The following IL15RA variants were observed in gnomAD, a reference collection of about 807,000 sequenced individuals.
IL15RA encodes the protein interleukin 15 receptor subunit alpha.
In IL15RA, 26 loss-of-function variants were observed where a neutral mutation model predicts 24.2. That is an observed-to-expected ratio of 1.07 (90% confidence interval 0.79 to 1.49). IL15RA has a LOEUF of 1.49. IL15RA is among the 40% of genes most tolerant of loss of function. IL15RA has a pLI of 0.00. For missense variants in IL15RA, 354 were observed against 356.4 expected (o/e 0.99, Z 0.05); for synonymous variants, 166 against 157.6 (o/e 1.05, Z -0.40).
rs1173813271 is a variant in IL15RA at position 5,963,172 on chromosome 10, G to C, written c.382+571C>G. Among the ~76,000 whole-genome samples, 1 of 152,224 alleles carries C rather than the reference G, an allele frequency of 6.6e-6. No individual in the cohort carries two copies. The highest frequency in any genetic ancestry group is 2.4e-5 in the African/African-American group (1 of 41,448). On this transcript the variant is annotated intron_variant, in intron 3 of 6. Transcript: ENST00000379977. This position sits in a 1 kb window ranked among gnomAD's most constrained non-coding sequence, Gnocchi z 5.3. ...AAGCGCCTTGGAAGACGGGGACATG[G>C]TCTCCCCTGGAGCAGAGAGCAGGTG...
rs1255661967 is a variant in IL15RA at position 5,961,170 on chromosome 10, C to T, written c.383-603G>A. On this transcript the variant is annotated intron_variant, in intron 3 of 6. Coordinates refer to ENST00000379977, the MANE Select transcript of IL15RA (RefSeq NM_002189.4). The surrounding 1 kb of genome is among the most constrained non-coding windows in gnomAD (Gnocchi z 5.2). ...CCTTAGGTGATCCACCCACCTTGGC[C>T]TCCCAAAGTGCTGGGATTACGGGCG... 2.0e-5 allele frequency among the ~76,000 whole-genome samples: 3 copies of T among 152,248 alleles called. No individual in the cohort carries two copies. Among genetic ancestry groups the T allele is most frequent in the East Asian group, 1.9e-4 (1 of 5,170 alleles).
rs746758221 is a variant in IL15RA, at chr10:5,960,344, C to G, written c.583+23G>C. 6.2e-7 allele frequency: 1 copy of G among 1,610,550 alleles called. No homozygotes were observed. The highest frequency in any genetic ancestry group is 1.1e-5 in the South Asian group (1 of 90,998). On this transcript the variant is annotated intron_variant, in intron 4 of 6. Coordinates refer to ENST00000379977, the MANE Select transcript of IL15RA (RefSeq NM_002189.4). This position sits in a 1 kb window ranked among gnomAD's most constrained non-coding sequence, Gnocchi z 5.1. ...AAGCAGCAATGGGGAACTGACCTCT[C>G]CTGGGGCAAAGCGAGTGCTAACCTG...
At chr10:5,950,142 TA>T, downstream of IL15RA, among the ~76,000 whole-genome samples, 1 of 152,022 alleles carries the variant, frequency 6.6e-6, no homozygotes, top group South Asian at 2.1e-4. This position sits in a 1 kb window ranked among gnomAD's most constrained non-coding sequence, Gnocchi z 5.6. Context: ...AGGCAAAATA[TA>T]AAAGGTGAAG....
rs143835821 is a variant in IL15RA, at chr10:5,963,811, G to A, written c.314C>T (p.Ala105Val). ...TGCCGTCGTTACTGTGGAGGGTGGCGCTGGCCTTTGGTGAACCAGGGCAGG... is the reference window on the plus strand; with the variant it reads ...TGCCGTCGTTACTGTGGAGGGTGGCACTGGCCTTTGGTGAACCAGGGCAGG... ...RDPALVHQRP[A>V]PPSTVTTAGV... The change falls in exon 3 of 7, where the codon GCG becomes GTG. Residue 105 changes from alanine to valine, a missense_variant. Physicochemically the swap from Ala to Val is moderately conservative, Grantham distance 64. Transcript: ENST00000379977. The surrounding 1 kb of genome is among the most constrained non-coding windows in gnomAD (Gnocchi z 5.3). The A allele has an allele frequency of 1.9e-6, 3 of 1,547,458 alleles. No individual in the cohort carries two copies. The highest frequency in any genetic ancestry group is 1.3e-5 in the South Asian group (1 of 78,820).
chr10:5,949,416 A>C (rs920291797), downstream of IL15RA: 1 of 468,858 alleles, frequency 2.1e-6, no homozygotes, highest in Non-Finnish European at 4.4e-6. This position sits in a 1 kb window ranked among gnomAD's most constrained non-coding sequence, Gnocchi z 4.4. Flanking sequence ...GCACACATTG[A>C]GTTCTGATTA....
intron 1 of IL15RA, chr10:5,976,864 T>TC (rs1838538868): frequency 1.3e-5 from 2 of 152,208 alleles, no homozygotes; most frequent in Admixed American, 1.3e-4. Flanking sequence ...TGTTTCCAGG[T>TC]CCCCAGGTGT....
chr10:5,976,676 C>T (rs1838496043), intron 1 of IL15RA, among the ~76,000 whole-genome samples: 1 of 152,104 alleles, frequency 6.6e-6, no homozygotes, highest in African/African-American at 2.4e-5. Context: ...ATCGCTCATT[C>T]CGTCCTCCCT....
At chr10:5,950,106 T>C (rs1014750694), downstream of IL15RA, among the ~76,000 whole-genome samples, 1 of 134,902 alleles carries the variant, frequency 7.4e-6, no homozygotes, top group Non-Finnish European at 1.6e-5. This position sits in a 1 kb window ranked among gnomAD's most constrained non-coding sequence, Gnocchi z 5.6. Context: ...AAAAAAAAAG[T>C]CTTATTTCTT....
chr10:5,974,247 G>A (rs933628672), intron 1 of IL15RA, among the ~76,000 whole-genome samples: 7 of 152,202 alleles, frequency 4.6e-5, no homozygotes, highest in East Asian at 1.9e-4. Flanking sequence ...TGATCTGCCC[G>A]CGTTGGCCTC....
chr10:5,962,591 CAA>C lies in IL15RA; in HGVS notation c.382+1150_382+1151del, dbSNP rs1353262028. Reference sequence around the variant, plus strand: ...TGGGCAATAGAGCAAGACCCCATCTCAAAAAAAAAAAAAAAAAAGATCCACCT... The same window carrying C: ...TGGGCAATAGAGCAAGACCCCATCTCAAAAAAAAAAAAAAAAGATCCACCT... On this transcript the variant is annotated intron_variant, in intron 3 of 6. Transcript: ENST00000379977. This position sits in a 1 kb window ranked among gnomAD's most constrained non-coding sequence, Gnocchi z 5.2. Among the ~76,000 whole-genome samples, 3,166 of 108,892 alleles carry C rather than the reference CAA, an allele frequency of 0.029. 31 individuals are homozygous for C. Among genetic ancestry groups the C allele is most frequent in the South Asian group, 0.056 (176 of 3,140 alleles). The allele number at this position is 108,892 out of a possible 152,430, so 71.4% of individuals were successfully genotyped here. A position where few individuals can be genotyped will look rare whatever the true frequency, so the allele number is the denominator to read the frequency against.
chr10:5,954,271 C>T (rs1039545633), intron 6 of IL15RA, among the ~76,000 whole-genome samples: 5 of 151,002 alleles, frequency 3.3e-5, no homozygotes, highest in Non-Finnish European at 7.4e-5. Context: ...GACAACCACG[C>T]CCAGCTAACT....
At chr10:5,977,550 G>C (rs1354305390), upstream of IL15RA, 3 of 1,276,226 alleles carry the variant, frequency 2.4e-6, no homozygotes, top group South Asian at 7.8e-5. Flanking sequence ...CCAGGCCGGG[G>C]GGAGGTGGCG....
At chr10:5,972,163 C>A (rs1337946187) in intron 1 of IL15RA, among the ~76,000 whole-genome samples, 1 of 152,258 alleles carries the variant, frequency 6.6e-6, no homozygotes, top group African/African-American at 2.4e-5. Context: ...CAAGAGCAAC[C>A]TTTCCACCAT....
At position 5,971,186 on chromosome 10, in the gene IL15RA, C is replaced by T. The variant is rs1340894494; in HGVS notation, c.89-4847G>A. On this transcript the variant is annotated intron_variant, in intron 1 of 6. Transcript: ENST00000379977. This position sits in a 1 kb window ranked among gnomAD's most constrained non-coding sequence, Gnocchi z 5.5. Reference sequence around the variant, plus strand: ...CCTTGCAGATGGTATGTATATTTCACAGTTCTGTGGTACTCTCACTTTCCT... The same window carrying T: ...CCTTGCAGATGGTATGTATATTTCATAGTTCTGTGGTACTCTCACTTTCCT... Among the ~76,000 whole-genome samples, 2 of 152,156 alleles carry T rather than the reference C, an allele frequency of 1.3e-5. No individual in the cohort carries two copies. The highest frequency in any genetic ancestry group is 1.3e-4 in the Admixed American group (2 of 15,272).
upstream of IL15RA, chr10:5,977,818 T>C (rs1298978135): frequency 2.4e-6 from 1 of 414,310 alleles, no homozygotes; most frequent in Non-Finnish European, 4.1e-6. Context: ...GCGCTCGTCG[T>C]GCTCTGGGAC....
intron 1 of IL15RA, chr10:5,976,916 C>G (rs1388412735): frequency 6.5e-6 from 1 of 153,046 alleles, no homozygotes; most frequent in Non-Finnish European, 1.5e-5. Context: ...ACAGCTCCTC[C>G]CCACCCTCCC....
At position 5,964,837 on chromosome 10, in the gene IL15RA, C is replaced by T. The variant is rs539859222; in HGVS notation, c.284-996G>A. ...TGGTTCCCACAGATCCTGCTCACCC[C>T]GCCACGCTCAGCTTTCCCATTCACT... is the stretch of plus-strand genomic sequence containing the variant. On this transcript the variant is annotated intron_variant, in intron 2 of 6. Coordinates refer to ENST00000379977, the MANE Select transcript of IL15RA (RefSeq NM_002189.4). This position sits in a 1 kb window ranked among gnomAD's most constrained non-coding sequence, Gnocchi z 5.6. 4.6e-5 allele frequency among the ~76,000 whole-genome samples: 7 copies of T among 152,344 alleles called. No individual in the cohort carries two copies. In the South Asian group the frequency reaches 6.2e-4, roughly 14 times the overall value.
At position 5,953,691 on chromosome 10, in the gene IL15RA, C is replaced by A. The variant is rs1307440940; in HGVS notation, c.693-485G>T. The A allele has an allele frequency of 1.3e-5, 4 of 307,638 alleles. No homozygotes were observed. In the East Asian group the frequency reaches 1.7e-4, roughly 13 times the overall value. 19.1% of individuals were successfully genotyped at this position (307,638 alleles called of 1,614,324 possible). On this transcript the variant is annotated intron_variant, in intron 6 of 6. Transcript: ENST00000379977. The surrounding 1 kb of genome is among the most constrained non-coding windows in gnomAD (Gnocchi z 5.3). ...AGAGAAGGAGAGAGTGACTGGGAGC[C>A]TAGCCAAACCAGAGTTGATCATCTT...
intron 6 of IL15RA, 58 bp downstream of exon 6, chr10:5,956,321 A>T: frequency 7.1e-7 from 1 of 1,402,722 alleles, no homozygotes; most frequent in Non-Finnish European, 1.0e-6. Flanking sequence ...GGCCAGGTGC[A>T]GCTCTTTTCT....
Sources: gnomAD v4.1 joint callset for allele counts (sites outside exome capture counted in the v4.1 genomes callset) on GRCh38, gnomAD v4.1.1 for gene constraint, Gnocchi (gnomAD v3.1) non-coding constraint, MANE v1.5 for transcripts, NCBI Gene and HGNC (gene_info 2026-07-23, HGNC 2026-07-21) for gene names.